The following CHST6 variants were observed in gnomAD, a reference collection of about 807,000 sequenced individuals.
The protein encoded by CHST6 is N-acetylglucosamine 6-O-sulfotransferase 5.
For missense variants in CHST6, 698 were observed against 586.2 expected (o/e 1.19, Z -1.97); for synonymous variants, 309 against 276.4 (o/e 1.12, Z -1.17).
intron 1 of CHST6, among the ~76,000 whole-genome samples, chr16:75,486,880 G>T (rs915056898): frequency 6.6e-6 from 1 of 152,194 alleles, no homozygotes; most frequent in Non-Finnish European, 1.5e-5. Context: ...GGCTGGCCCT[G>T]CGTTGTTTCT....
At chr16:75,490,407 G>A (rs1375228472) in intron 1 of CHST6, among the ~76,000 whole-genome samples, 2 of 152,110 alleles carry the variant, frequency 1.3e-5, no homozygotes, top group African/African-American at 4.8e-5. Flanking sequence ...GAACCTGGGA[G>A]GCAGAGGTTG....
chr16:75,485,209 G>A (rs2080183005), intron 1 of CHST6, among the ~76,000 whole-genome samples: 1 of 152,232 alleles, frequency 6.6e-6, no homozygotes, highest in Non-Finnish European at 1.5e-5. Context: ...AGCACCCTAA[G>A]CAGTGGTCCT....
At chr16:75,491,695 T>C (rs1419562534) in intron 1 of CHST6, among the ~76,000 whole-genome samples, 1 of 152,116 alleles carries the variant, frequency 6.6e-6, no homozygotes, top group Non-Finnish European at 1.5e-5. Context: ...TATTAGTGCT[T>C]TGCTGCATTT....
chr16:75,491,190 A>AAAATATATATAT (rs1206595857), intron 1 of CHST6, among the ~76,000 whole-genome samples: 32 of 50,040 alleles, frequency 6.4e-4, no homozygotes, highest in South Asian at 1.1e-3. Context: ...AAAAAAAAAA[A>AAAATATATATAT]ATATATATAT....
In CHST6 at chr16:75,479,067, C is replaced by G; in HGVS notation, c.762G>C (p.Glu254Asp). 6.2e-7 allele frequency: 1 copy of G among 1,606,448 alleles called. No individual in the cohort carries two copies. The change falls in exon 3 of 3, where the codon GAG becomes GAC. Residue 254 changes from glutamate to aspartate, a missense_variant. Glu to Asp is a conservative substitution (Grantham distance 45, BLOSUM62 2). Coordinates refer to ENST00000332272, the MANE Select transcript of CHST6 (RefSeq NM_021615.5). ...EVCRSHVRIA[E>D]AATLKPPPFL... ...AGGGTGGCGGCTTGAGTGTGGCGGC[C>G]TCGGCGATGCGTACGTGGCTACGGC... is the stretch of plus-strand genomic sequence containing the variant.
rs1056397486 is a variant in CHST6, at chr16:75,495,121, C to G, written c.-273G>C. ...TCCTTAAGGTCCCAAGACTATTAAG[C>G]GACACCCGGTGAGGCCGGGAAAGGG... On this transcript the variant is annotated 5_prime_UTR_variant, in exon 1 of 3. Coordinates refer to ENST00000332272, the MANE Select transcript of CHST6 (RefSeq NM_021615.5). 2.6e-5 allele frequency: 4 copies of G among 152,352 alleles called. No individual in the cohort carries two copies. The highest frequency in any genetic ancestry group is 9.6e-5 in the African/African-American group (4 of 41,456). The allele number at this position is 152,352 out of a possible 1,614,324, so 9.4% of individuals were successfully genotyped here.
intron 1 of CHST6, among the ~76,000 whole-genome samples, chr16:75,484,715 G>A (rs1016277190): frequency 2.6e-5 from 4 of 152,066 alleles, no homozygotes; most frequent in Non-Finnish European, 4.4e-5. Flanking sequence ...GTGGTGGTGA[G>A]TGCCTGTAGT....
chr16:75,491,221 A>AAAAT, intron 1 of CHST6, among the ~76,000 whole-genome samples: 1 of 134,276 alleles, frequency 7.4e-6, no homozygotes, highest in African/African-American at 2.9e-5. Flanking sequence ...ATATATATAA[A>AAAAT]ATATAATATA....
At chr16:75,480,759 T>C (rs554519675) in intron 2 of CHST6, among the ~76,000 whole-genome samples, 1 of 151,736 alleles carries the variant, frequency 6.6e-6, no homozygotes, top group African/African-American at 2.4e-5. Flanking sequence ...TGAAACATCA[T>C]GTCTACTAAG....
chr16:75,488,716 G>A (rs1025130745), intron 1 of CHST6, among the ~76,000 whole-genome samples: 2 of 152,024 alleles, frequency 1.3e-5, no homozygotes, highest in African/African-American at 4.8e-5. Context: ...AGGTGCGGTG[G>A]CTCATGCCTG....
In CHST6 at chr16:75,478,542, C is replaced by T. The variant is rs2080090946; in HGVS notation, c.*99G>A. On this transcript the variant is annotated 3_prime_UTR_variant, in exon 3 of 3. Coordinates refer to ENST00000332272, the MANE Select transcript of CHST6 (RefSeq NM_021615.5). Reference sequence around the variant, plus strand: ...GGGGGAGGGGTCGTACCACAAACTCCTTGGTCAATATAGGGACCTGCTTCT... The same window carrying T: ...GGGGGAGGGGTCGTACCACAAACTCTTTGGTCAATATAGGGACCTGCTTCT... 8.1e-7 allele frequency: 1 copy of T among 1,237,926 alleles called. No homozygotes were observed. Among genetic ancestry groups the T allele is most frequent in the East Asian group, 2.3e-5 (1 of 42,672 alleles). 76.7% of individuals were successfully genotyped at this position (1,237,926 alleles called of 1,614,324 possible). A position where few individuals can be genotyped will look rare whatever the true frequency, so the allele number is the denominator to read the frequency against.
At position 75,479,136 on chromosome 16, in the gene CHST6, CGT is replaced by C. The variant is rs1567409004; in HGVS notation, c.691_692del (p.Thr231ValfsTer17). 1 of 1,606,468 alleles carries C rather than the reference CGT, an allele frequency of 6.2e-7. No individual in the cohort carries two copies. On this transcript the variant is annotated frameshift_variant, in exon 3 of 3. Coordinates refer to ENST00000332272, the MANE Select transcript of CHST6 (RefSeq NM_021615.5). LOFTEE classifies it low-confidence loss of function (END_TRUNC). ...GCAGGCCGGGGTCGGCCTCCACCCA[CGT>C]GCCGTTGGTGCCCAGCACGATGCCG... ...DNGIVLGTNG[T>X]WVEADPGLRV...
chr16:75,487,806 TAAA>T (rs771817845), intron 1 of CHST6, among the ~76,000 whole-genome samples: 3 of 56,192 alleles, frequency 5.3e-5, no homozygotes, highest in East Asian at 6.6e-4. Flanking sequence ...CCGTCCCCCC[TAAA>T]AAAAAAAAAA....
At position 75,493,166 on chromosome 16, in the gene CHST6, T is replaced by G. The variant is rs545001070; in HGVS notation, c.-92+1774A>C. 7.9e-5 allele frequency among the ~76,000 whole-genome samples: 12 copies of G among 152,090 alleles called. No individual in the cohort carries two copies. The East Asian group carries it at 2.3e-3, about 29-fold the overall frequency. On this transcript the variant is annotated intron_variant, in intron 1 of 2. Coordinates refer to ENST00000332272, the MANE Select transcript of CHST6 (RefSeq NM_021615.5). ...AGAGTGTGAATCCCACTTGACCATT[T>G]ACTGAGCGATCTTGTGCAAGTTACT...
rs1180140860 is a variant in CHST6, at chr16:75,477,824, G to C, written c.*817C>G. On this transcript the variant is annotated 3_prime_UTR_variant, in exon 3 of 3. Transcript: ENST00000332272. ...CTGATGAGTTCCACTCCCCGCTGACGGGCACACCTGCCTTCCAGGCACTGA... is the reference window on the plus strand; with the variant it reads ...CTGATGAGTTCCACTCCCCGCTGACCGGCACACCTGCCTTCCAGGCACTGA... The C allele has an allele frequency of 6.5e-6, 1 of 152,870 alleles. No homozygotes were observed. The highest frequency in any genetic ancestry group is 1.5e-5 in the Non-Finnish European group (1 of 68,578). 9.5% of individuals were successfully genotyped at this position (152,870 alleles called of 1,614,324 possible).
Position 75,477,656 on chromosome 16 carries a change from A to T in CHST6, c.*985T>A, listed in dbSNP as rs2080080623. On this transcript the variant is annotated 3_prime_UTR_variant, in exon 3 of 3. Transcript: ENST00000332272. ...CCCTCTACACATCCAGCATTCCTTT[A>T]CTAAGCCCCTTTGCCCCCAGAGCTA... 1 of 152,386 alleles carries T rather than the reference A, an allele frequency of 6.6e-6. No individual in the cohort carries two copies. The highest frequency in any genetic ancestry group is 6.5e-5 in the Admixed American group (1 of 15,272). The allele number at this position is 152,386 out of a possible 1,614,324, so 9.4% of individuals were successfully genotyped here. A position where few individuals can be genotyped will look rare whatever the true frequency, so the allele number is the denominator to read the frequency against.
chr16:75,481,774 A>C (rs771460173), intron 2 of CHST6, 43 bp downstream of exon 2: 18 of 473,898 alleles, frequency 3.8e-5, no homozygotes, highest in Admixed American at 7.2e-5. Context: ...AGAAGCAGAG[A>C]GGTGAGAGCA....
intron 2 of CHST6, among the ~76,000 whole-genome samples, chr16:75,481,254 C>T (rs988661409): frequency 6.6e-6 from 1 of 151,860 alleles, no homozygotes; most frequent in South Asian, 2.1e-4. Context: ...CCAGCTTGGG[C>T]GATAGAGTGA....
chr16:75,493,659 C>T (rs1281958049), intron 1 of CHST6, among the ~76,000 whole-genome samples: 1 of 152,118 alleles, frequency 6.6e-6, no homozygotes, highest in African/African-American at 2.4e-5. Flanking sequence ...GCTTAGCAAT[C>T]TTCCTTCCTG....
Sources: gnomAD v4.1 joint callset for allele counts (sites outside exome capture counted in the v4.1 genomes callset) on GRCh38, gnomAD v4.1.1 for gene constraint, MANE v1.5 for transcripts, NCBI Gene and HGNC (gene_info 2026-07-23, HGNC 2026-07-21) for gene names.